SLC9A3: variants seen among roughly 807,000 people sequenced by gnomAD.
The protein encoded by SLC9A3 is sodium/hydrogen exchanger 3.
In SLC9A3, 37 loss-of-function variants were observed where a neutral mutation model predicts 86.8. That is an observed-to-expected ratio of 0.43 (90% CI 0.33 to 0.56). The LOEUF (loss-of-function observed/expected upper bound fraction) is 0.56, where lower values mean the gene tolerates loss of function less well. Ranked by LOEUF, SLC9A3 falls within the 20% of genes least tolerant of loss-of-function variation. The pLI is 0.06. For missense variants in SLC9A3, 1,011 were observed against 1,171.9 expected, an observed-to-expected ratio of 0.86 and a Z score of 2.00; for synonymous variants, 581 against 528.3, an observed-to-expected ratio of 1.10 and a Z score of -1.37.
At chr5:507,003 G>A (rs1165051502) in intron 1 of SLC9A3, among the ~76,000 whole-genome samples, 1 of 150,044 alleles carries the variant, frequency 6.7e-6, no homozygotes, top group Non-Finnish European at 1.5e-5. Flanking sequence ...CCCGGGAGGT[G>A]GAGATTGTGG....
intron 1 of SLC9A3, among the ~76,000 whole-genome samples, chr5:522,485 C>T (rs10067184): frequency 0.14 from 21,923 of 152,190 alleles, 3,545 homozygotes; most frequent in African/African-American, 0.4. Flanking sequence ...CACGGCCGGG[C>T]GCGGTGGCTC....
intron 1 of SLC9A3, among the ~76,000 whole-genome samples, chr5:499,794 C>T (rs1022999085): frequency 5.9e-5 from 9 of 152,298 alleles, no homozygotes; most frequent in South Asian, 2.1e-4. Context: ...CTTGCATCTG[C>T]GCATAACGTC....
At chr5:485,640 C>A (rs1018688228) in intron 3 of SLC9A3, among the ~76,000 whole-genome samples, 1 of 152,280 alleles carries the variant, frequency 6.6e-6, no homozygotes, top group African/African-American at 2.4e-5. Flanking sequence ...CCGGCAAAAC[C>A]CAGAGATAAA....
intron 1 of SLC9A3, among the ~76,000 whole-genome samples, chr5:504,228 G>A (rs560689675): frequency 7.2e-5 from 5 of 69,320 alleles, no homozygotes; most frequent in East Asian, 2.7e-4. Flanking sequence ...TGGGGCTGCC[G>A]CCAGCTCCGG....
chr5:482,955 A>ATC (rs1432392756), intron 6 of SLC9A3, among the ~76,000 whole-genome samples: 3 of 151,320 alleles, frequency 2.0e-5, no homozygotes, highest in Non-Finnish European at 4.4e-5. Context: ...CGCTCCGTGC[A>ATC]TCACACACAC....
chr5:477,505 G>T, intron 10 of SLC9A3, 61 bp from the exon 11 acceptor site: 1 of 1,294,670 alleles, frequency 7.7e-7, no homozygotes, highest in Non-Finnish European at 1.1e-6. Context: ...TGCTGCCATT[G>T]TGTGCCCTGG....
chr5:478,433 C>T (rs1018345157), intron 10 of SLC9A3: 2 of 117,072 alleles, frequency 1.7e-5, no homozygotes, highest in Non-Finnish European at 3.6e-5. Flanking sequence ...CTTCCCCTGC[C>T]CCTGCCGAGC....
Position 479,881 on chromosome 5 carries a change from G to A in SLC9A3, c.1602C>T (p.Val534=), listed in dbSNP as rs1239883901. The change falls in exon 10 of 17, where the codon GTC becomes GTT. Residue 534 remains valine (V), a synonymous_variant. Coordinates refer to ENST00000264938, the MANE Select transcript of SLC9A3 (RefSeq NM_004174.4). ...AQKSRDRILN[V]FHELNLKDAI... ...CATCCTTCAGGTTCAGCTCGTGGAA[G>A]ACATTCAGGATCCGGTCTCGAGACT... is the stretch of plus-strand genomic sequence containing the variant. The A allele has an allele frequency of 6.2e-7, 1 of 1,613,836 alleles. No homozygotes were observed. The highest frequency in any genetic ancestry group is 1.3e-5 in the African/African-American group (1 of 74,942).
intron 11 of SLC9A3, chr5:477,083 GCAAACAC>G: frequency 3.9e-6 from 2 of 512,696 alleles, no homozygotes; most frequent in South Asian, 2.8e-5. Context: ...CGGGCCAGGG[GCAAACAC>G]GTCAGGCCTG....
rs915059185 is a variant in SLC9A3, at chr5:496,337, A to G, written c.212-4266T>C. Among the ~76,000 whole-genome samples, 2 of 151,740 alleles carry G rather than the reference A, an allele frequency of 1.3e-5. No homozygotes were observed. Among genetic ancestry groups the G allele is most frequent in the African/African-American group, 4.8e-5 (2 of 41,282 alleles). On this transcript the variant is annotated intron_variant, in intron 1 of 16. Coordinates refer to ENST00000264938, the MANE Select transcript of SLC9A3 (RefSeq NM_004174.4). This position sits in a 1 kb window ranked among gnomAD's most constrained non-coding sequence, Gnocchi z 4.7. ...CACCTGCCCACGGGGGAGGAGCCGC[A>G]CCCATCCCCACCGGCCAGGCAGGCG...
intron 11 of SLC9A3, 136 bp downstream of exon 11, chr5:477,196 A>G (rs1053669188): frequency 1.6e-6 from 1 of 617,074 alleles, no homozygotes; most frequent in Non-Finnish European, 2.9e-6. Flanking sequence ...GGAAGGAGAC[A>G]CCCACCCCCT....
chr5:482,061 C>G lies in SLC9A3; in HGVS notation c.1446+7G>C. On this transcript the variant is annotated splice_region_variant and intron_variant, in intron 8 of 16. Coordinates refer to ENST00000264938, the MANE Select transcript of SLC9A3 (RefSeq NM_004174.4). ...GCCCCCCCCCCGCCCCCCAGCCCCG[C>G]ACTTACGCGCCCGTGCAGCTTCTCG... 1 of 1,385,708 alleles carries G rather than the reference C, an allele frequency of 7.2e-7. No individual in the cohort carries two copies. The highest frequency in any genetic ancestry group is 2.4e-5 in the East Asian group (1 of 42,448). 85.8% of individuals were successfully genotyped at this position (1,385,708 alleles called of 1,614,324 possible).
At position 482,036 on chromosome 5, in the gene SLC9A3, GCC is replaced by G. The variant is rs11385633; in HGVS notation, c.1446+30_1446+31del. 529 of 327,728 alleles carry G rather than the reference GCC, an allele frequency of 1.6e-3. 17 individuals carry two copies. The African/African-American group carries it at 0.02, about 13-fold the overall frequency. The allele number at this position is 327,728 out of a possible 1,614,324, so 20.3% of individuals were successfully genotyped here. On this transcript the variant is annotated intron_variant, in intron 8 of 16. Transcript: ENST00000264938. ...AGCCCAGCCCCGAGGAACACGCAGT[GCC>G]CCCCCCCCGCCCCCCAGCCCCGCAC...
chr5:505,936 A>G (rs6864158), intron 1 of SLC9A3, among the ~76,000 whole-genome samples: 61,686 of 151,170 alleles, frequency 0.41, 12,806 homozygotes, highest in East Asian at 0.52. Flanking sequence ...GGGTGGGGTT[A>G]GGGTTGGGGT....
chr5:516,631 C>T lies in SLC9A3; in HGVS notation c.211+7481G>A, dbSNP rs186333159. ...AAGGCATAGCTAAGATTTCAGCTGA[C>T]AGTGGAGCATGTTTTAGGCCAGGTG... On this transcript the variant is annotated intron_variant, in intron 1 of 16. Transcript: ENST00000264938. 8.0e-4 allele frequency among the ~76,000 whole-genome samples: 122 copies of T among 152,326 alleles called. 6 individuals carry two copies. In the East Asian group the frequency reaches 0.014, roughly 18 times the overall value.
rs1738816737 is a variant in SLC9A3, at chr5:477,369, G to A, written c.1723C>T (p.Arg575Ter). 1.9e-6 allele frequency: 3 copies of A among 1,612,674 alleles called. No homozygotes were observed. The highest frequency in any genetic ancestry group is 1.7e-6 in the Non-Finnish European group (2 of 1,179,498). The part of the protein sequence containing the change: ...DNVVNVDFTP[R>*]SSTVEASVSY... ...ACAGAGGCCTCCACGGTGGACGATCGTGGCGTGAAGTCCACGTTGACCACG... is the reference window on the plus strand; with the variant it reads ...ACAGAGGCCTCCACGGTGGACGATCATGGCGTGAAGTCCACGTTGACCACG... Residue 575 changes from arginine (R) to a stop codon, truncating the protein, a stop_gained, in exon 11 of 17, where the codon CGA (arginine) becomes TGA (stop). Transcript: ENST00000264938. LOFTEE classifies it high-confidence loss of function.
chr5:514,476 TG>T (rs1733667025), intron 1 of SLC9A3, among the ~76,000 whole-genome samples: 1 of 152,214 alleles, frequency 6.6e-6, no homozygotes. Flanking sequence ...CATCGGGTCT[TG>T]CCTGTCGGGG....
intron 1 of SLC9A3, among the ~76,000 whole-genome samples, chr5:508,688 G>A (rs373387395): frequency 2.0e-5 from 3 of 151,936 alleles, no homozygotes; most frequent in South Asian, 2.1e-4. Flanking sequence ...GCAGGGAGAC[G>A]CAGGCCTCAG....
chr5:515,115 G>A (rs1017773964), intron 1 of SLC9A3, among the ~76,000 whole-genome samples: 3 of 151,962 alleles, frequency 2.0e-5, no homozygotes, highest in South Asian at 2.1e-4. Flanking sequence ...GAGATTTCTC[G>A]GCCCCCCACT....
Sources: allele counts gnomAD v4.1 joint callset (sites outside exome capture counted in the v4.1 genomes callset), GRCh38; gene constraint gnomAD v4.1.1; non-coding constraint Gnocchi (gnomAD v3.1); transcripts MANE v1.5; gene names NCBI Gene and HGNC (gene_info 2026-07-23, HGNC 2026-07-21).